The following RABGAP1L variants were observed in gnomAD, a reference collection of about 807,000 sequenced individuals.
The protein encoded by RABGAP1L is RAB GTPase activating protein 1 like, also known as rab GTPase-activating protein 1-like.
Under a neutral mutation model 137.7 loss-of-function variants are expected in RABGAP1L, and 63 were observed. The ratio of observed to expected loss-of-function variants is 0.46; its 90% CI spans 0.37 to 0.56. The LOEUF is 0.56. RABGAP1L is among the 20% of genes least tolerant of loss of function. RABGAP1L has a pLI of 0.00. For synonymous variants in RABGAP1L, 431 were observed against 433.7 expected (o/e 0.99, Z 0.08); for missense variants, 1,095 against 1,244.0 (o/e 0.88, Z 1.80).
At position 174,503,537 on chromosome 1, in the gene RABGAP1L, T is replaced by C. The variant is rs893061054; in HGVS notation, c.1710+109392T>C. ...TTAGCCAGATGTGGTGATGGGCTCC[T>C]GTAGTCCCAGCTACTGGGGAGGCTG... On this transcript the variant is annotated intron_variant, in intron 13 of 25. Coordinates refer to ENST00000681986, the MANE Select transcript of RABGAP1L (RefSeq NM_001366446.1). Among the ~76,000 whole-genome samples, 4 of 151,560 alleles carry C rather than the reference T, an allele frequency of 2.6e-5. No individual in the cohort carries two copies. The East Asian group carries it at 7.8e-4, about 30-fold the overall frequency.
intron 17 of RABGAP1L, among the ~76,000 whole-genome samples, chr1:174,719,303 A>G (rs984069297): frequency 2.6e-5 from 4 of 152,354 alleles, no homozygotes; most frequent in Non-Finnish European, 4.4e-5. Flanking sequence ...TTATTTGAAA[A>G]GTACTGATAA....
intron 13 of RABGAP1L, among the ~76,000 whole-genome samples, chr1:174,599,477 C>G (rs951218489): frequency 6.6e-5 from 10 of 152,162 alleles, no homozygotes; most frequent in African/African-American, 2.4e-4. Flanking sequence ...TAACATCATT[C>G]CCTTTCTGAT....
chr1:174,522,494 C>T (rs72715216), intron 13 of RABGAP1L, among the ~76,000 whole-genome samples: 31,665 of 147,494 alleles, frequency 0.21, 3,612 homozygotes, highest in Admixed American at 0.26. Context: ...CACTTGAGCC[C>T]GGGAGGTTGA....
rs141623740 is a variant in RABGAP1L, at chr1:174,952,173, A to C, written c.2341-5284A>C. On this transcript the variant is annotated intron_variant, in intron 19 of 25. Coordinates refer to ENST00000681986, the MANE Select transcript of RABGAP1L (RefSeq NM_001366446.1). Reference sequence around the variant, plus strand: ...AAATATACAAAGCCCTTGAACTCCTAAATAAACAAAGCCCTTGAACTCCTA... The same window carrying C: ...AAATATACAAAGCCCTTGAACTCCTCAATAAACAAAGCCCTTGAACTCCTA... Among the ~76,000 whole-genome samples the C allele has an allele frequency of 1.6e-3, 243 of 152,008 alleles. 1 individual carries two copies. Among genetic ancestry groups the C allele is most frequent in the African/African-American group, 5.6e-3 (233 of 41,458 alleles).
At chr1:174,620,608 C>T (rs1672361693) in intron 13 of RABGAP1L, among the ~76,000 whole-genome samples, 1 of 151,962 alleles carries the variant, frequency 6.6e-6, no homozygotes, top group South Asian at 2.1e-4. Flanking sequence ...CACAACGTAC[C>T]AGAATCTCTG....
chr1:174,558,580 T>C (rs376289330), intron 13 of RABGAP1L, among the ~76,000 whole-genome samples: 156 of 152,342 alleles, frequency 1.0e-3, no homozygotes, highest in African/African-American at 3.4e-3. Context: ...TATCTGGACC[T>C]CTACTCCAAA....
chr1:174,364,243 C>CTTTTTTTTTTTTTTTTTTT (rs1054313083), intron 11 of RABGAP1L, among the ~76,000 whole-genome samples: 2 of 81,174 alleles, frequency 2.5e-5, no homozygotes, highest in East Asian at 4.5e-4. Context: ...TTTGGATTTC[C>CTTTTTTTTTTTTTTTTTTT]TTTTTTTTTT....
intron 5 of RABGAP1L, 110 bp downstream of exon 5, chr1:174,241,767 C>T: frequency 1.0e-6 from 1 of 985,798 alleles, no homozygotes; most frequent in Non-Finnish European, 1.5e-6. Flanking sequence ...GAGTATGTTT[C>T]TAAAGACAAA....
chr1:174,981,693 T>C (rs1484565208), intron 23 of RABGAP1L, among the ~76,000 whole-genome samples: 2 of 151,426 alleles, frequency 1.3e-5, no homozygotes, highest in Non-Finnish European at 2.9e-5. Flanking sequence ...TCATCCACTT[T>C]TCTAAAATAA....
chr1:174,542,983 T>A (rs527862158), intron 13 of RABGAP1L, among the ~76,000 whole-genome samples: 43 of 152,334 alleles, frequency 2.8e-4, no homozygotes, highest in African/African-American at 9.9e-4. Flanking sequence ...TTCTGTTCTT[T>A]AACATTTGCA....
intron 14 of RABGAP1L, among the ~76,000 whole-genome samples, chr1:174,656,076 A>G (rs1675946080): frequency 6.6e-6 from 1 of 152,222 alleles, no homozygotes; most frequent in Non-Finnish European, 1.5e-5. Flanking sequence ...GTATATACAT[A>G]TATGCATGTG....
chr1:174,447,220 T>G (rs968806163), intron 13 of RABGAP1L, among the ~76,000 whole-genome samples: 2 of 152,180 alleles, frequency 1.3e-5, no homozygotes, highest in African/African-American at 2.4e-5. Context: ...CTAAATGCTT[T>G]AAAAATGCAT....
intron 19 of RABGAP1L, among the ~76,000 whole-genome samples, chr1:174,913,164 C>G (rs1660322988): frequency 6.6e-6 from 1 of 152,008 alleles, no homozygotes; most frequent in Non-Finnish European, 1.5e-5. Context: ...TTAGTAGAGA[C>G]AGGGTTTCAC....
At chr1:174,734,415 G>T (rs187911582) in intron 17 of RABGAP1L, among the ~76,000 whole-genome samples, 133 of 152,032 alleles carry the variant, frequency 8.7e-4, no homozygotes, top group African/African-American at 3.1e-3. Context: ...TTAGAGTCAG[G>T]ACCTCATTAA....
intron 14 of RABGAP1L, among the ~76,000 whole-genome samples, chr1:174,654,632 T>A (rs333453): frequency 0.37 from 55,556 of 151,844 alleles, 12,185 homozygotes; most frequent in African/African-American, 0.62. Context: ...ACAATTTTTT[T>A]AAAAAAAATA....
At chr1:174,398,346 G>C (rs753537043) in intron 13 of RABGAP1L, among the ~76,000 whole-genome samples, 19 of 152,112 alleles carry the variant, frequency 1.2e-4, no homozygotes, top group African/African-American at 4.1e-4. Context: ...GGGCTGTTGC[G>C]TGGCTCAAAA....
At chr1:174,272,550 A>G (rs1674645628) in intron 8 of RABGAP1L, 70 bp downstream of exon 8, 19 of 1,400,312 alleles carry the variant, frequency 1.4e-5, no homozygotes, top group Non-Finnish European at 1.8e-5. Context: ...AGTATTTTCT[A>G]TTTACAAATT....
At position 174,925,889 on chromosome 1, in the gene RABGAP1L, G is replaced by GT. The variant is rs376200965; in HGVS notation, c.2341-31551dup. On this transcript the variant is annotated intron_variant, in intron 19 of 25. Transcript: ENST00000681986. ...TTTTTTGTTTTTGTTTTTTTTTTGTGTTTTTTTTTTTTTTTTTGATACCAG... is the reference window on the plus strand; with the variant it reads ...TTTTTTGTTTTTGTTTTTTTTTTGTGTTTTTTTTTTTTTTTTTTGATACCAG... 4.2e-3 allele frequency among the ~76,000 whole-genome samples: 456 copies of GT among 108,034 alleles called. 10 individuals are homozygous for GT. Among genetic ancestry groups the GT allele is most frequent in the Non-Finnish European group, 5.7e-3 (290 of 50,916 alleles). The allele number at this position is 108,034 out of a possible 152,430, so 70.9% of individuals were successfully genotyped here.
rs1692092002 is a variant in RABGAP1L at position 174,831,311 on chromosome 1, T to C, written c.2340+19351T>C. ...AAAGTACCTACATTCTTAGCCAAGA[T>C]ACAGCAGCAGCTGACCTTTAAATTC... is the stretch of plus-strand genomic sequence containing the variant. On this transcript the variant is annotated intron_variant, in intron 19 of 25. Transcript: ENST00000681986. Among the ~76,000 whole-genome samples the C allele has an allele frequency of 1.3e-5, 2 of 148,286 alleles. 1 individual carries two copies. The highest frequency in any genetic ancestry group is 4.9e-5 in the African/African-American group (2 of 40,652).
Sources: gnomAD v4.1 joint callset for allele counts (sites outside exome capture counted in the v4.1 genomes callset) on GRCh38, gnomAD v4.1.1 for gene constraint, MANE v1.5 for transcripts, NCBI Gene and HGNC (gene_info 2026-07-23, HGNC 2026-07-21) for gene names.